Variants in YIPF7 observed in about 807,000 individuals in gnomAD.
The protein encoded by YIPF7 is Yip1 domain family member 7.
In YIPF7, 35 loss-of-function variants were observed where a neutral mutation model predicts 27.2. That is an observed-to-expected ratio of 1.29 (90% CI 0.98 to 1.70). The LOEUF (loss-of-function observed/expected upper bound fraction) is 1.70, where lower values mean the gene tolerates loss of function less well. Ranked by LOEUF, YIPF7 falls within the 40% of genes most tolerant of loss-of-function variation. The pLI, the probability that YIPF7 is intolerant of heterozygous loss-of-function variation, is 0.00. For missense variants in YIPF7, 358 were observed against 303.7 expected, an observed-to-expected ratio of 1.18 and a Z score of -1.33; for synonymous variants, 137 against 110.4, an observed-to-expected ratio of 1.24 and a Z score of -1.51.
intron 2 of YIPF7, among the ~76,000 whole-genome samples, chr4:44,656,728 T>A (rs1444374840): frequency 6.6e-6 from 1 of 152,012 alleles, no homozygotes; most frequent in East Asian, 1.9e-4. Context: ...CTGAATAAAG[T>A]TATTTTATCA....
chr4:44,650,985 T>C (rs189854066), intron 1 of YIPF7, among the ~76,000 whole-genome samples: 162 of 152,366 alleles, frequency 1.1e-3, no homozygotes, highest in Non-Finnish European at 1.4e-3. Context: ...AACATTTAAT[T>C]CTTTATTTTT....
At chr4:44,641,417 T>G (rs1220490414) in intron 2 of YIPF7, among the ~76,000 whole-genome samples, 1 of 152,164 alleles carries the variant, frequency 6.6e-6, no homozygotes, top group African/African-American at 2.4e-5. Flanking sequence ...CTCTTTGACA[T>G]GTTTTTGCTT....
chr4:44,636,390 T>C (rs1713123060), intron 2 of YIPF7, among the ~76,000 whole-genome samples: 2 of 152,172 alleles, frequency 1.3e-5, no homozygotes, highest in African/African-American at 4.8e-5. Context: ...TAATCCCATT[T>C]TACAGAAAAA....
chr4:44,652,815 C>T (rs1713776296), upstream of YIPF7, among the ~76,000 whole-genome samples: 1 of 152,116 alleles, frequency 6.6e-6, no homozygotes, highest in South Asian at 2.1e-4. Context: ...ATTTTTGTAA[C>T]AACCTGATGA....
chr4:44,643,273 G>C (rs1040916028), intron 2 of YIPF7, among the ~76,000 whole-genome samples: 1 of 152,134 alleles, frequency 6.6e-6, no homozygotes, highest in Non-Finnish European at 1.5e-5. Flanking sequence ...CTAGGGAAGT[G>C]TGAAATTTTA....
intron 1 of YIPF7, among the ~76,000 whole-genome samples, chr4:44,661,505 T>G (rs367961324): frequency 1.3e-5 from 2 of 152,216 alleles, no homozygotes; most frequent in African/African-American, 4.8e-5. Flanking sequence ...GTTCTTTGGA[T>G]AGAAGTTGGT....
At chr4:44,653,264 C>T (rs544952564), upstream of YIPF7, among the ~76,000 whole-genome samples, 4 of 152,004 alleles carry the variant, frequency 2.6e-5, no homozygotes, top group South Asian at 2.1e-4. Context: ...GCCTGTAGGC[C>T]GTGGTAAAGA....
intron 3 of YIPF7, 49 bp downstream of exon 3, chr4:44,635,873 C>T (rs779144280): frequency 6.3e-7 from 1 of 1,588,618 alleles, no homozygotes; most frequent in African/African-American, 1.3e-5. Context: ...CTAATTATTG[C>T]TATTATTCTT....
chr4:44,653,346 C>T (rs1018420560), upstream of YIPF7, among the ~76,000 whole-genome samples: 1 of 151,914 alleles, frequency 6.6e-6, no homozygotes, highest in Non-Finnish European at 1.5e-5. Flanking sequence ...CCGTATTAGT[C>T]ACAAGTGGAA....
chr4:44,631,068 C>G (rs1287899379), intron 3 of YIPF7, among the ~76,000 whole-genome samples: 3 of 152,156 alleles, frequency 2.0e-5, no homozygotes, highest in Non-Finnish European at 2.9e-5. Context: ...CAATCAGTTA[C>G]TATTATTTTA....
intron 2 of YIPF7, among the ~76,000 whole-genome samples, chr4:44,658,887 A>G (rs1713972931): frequency 6.6e-6 from 1 of 152,224 alleles, no homozygotes; most frequent in South Asian, 2.1e-4. Context: ...ATCTTCAATC[A>G]TCACCCACTG....
At chr4:44,658,092 A>G (rs2109606643) in intron 2 of YIPF7, among the ~76,000 whole-genome samples, 1 of 152,250 alleles carries the variant, frequency 6.6e-6, no homozygotes, top group South Asian at 2.1e-4. Context: ...AAGGTGTTAT[A>G]GACTGAATGT....
intron 2 of YIPF7, among the ~76,000 whole-genome samples, chr4:44,637,587 T>C (rs573694603): frequency 6.6e-6 from 1 of 152,216 alleles, no homozygotes; most frequent in South Asian, 2.1e-4. Flanking sequence ...CTTTTTTCTT[T>C]TTTAAAAAAA....
chr4:44,654,359 T>C (rs1713827441), upstream of YIPF7, among the ~76,000 whole-genome samples: 1 of 152,124 alleles, frequency 6.6e-6, no homozygotes, highest in South Asian at 2.1e-4. Context: ...CTGCATTAGG[T>C]GAATAAAGTT....
chr4:44,656,966 C>G (rs1200353247), intron 2 of YIPF7, among the ~76,000 whole-genome samples: 1 of 152,070 alleles, frequency 6.6e-6, no homozygotes, highest in South Asian at 2.1e-4. Flanking sequence ...ACCATATTTC[C>G]TTTAGCAAAG....
intron 2 of YIPF7, among the ~76,000 whole-genome samples, chr4:44,643,878 G>A (rs1166936191): frequency 2.0e-5 from 3 of 152,108 alleles, no homozygotes; most frequent in Non-Finnish European, 4.4e-5. Flanking sequence ...AGGATTTATG[G>A]AAAAGCCTGG....
At chr4:44,643,231 G>A (rs1276491334) in intron 2 of YIPF7, among the ~76,000 whole-genome samples, 2 of 152,156 alleles carry the variant, frequency 1.3e-5, no homozygotes, top group African/African-American at 2.4e-5. Flanking sequence ...CTATGCTTTA[G>A]CAAAGAGACT....
At chr4:44,630,289 C>T (rs919476906) in intron 3 of YIPF7, among the ~76,000 whole-genome samples, 1 of 152,126 alleles carries the variant, frequency 6.6e-6, no homozygotes, top group Non-Finnish European at 1.5e-5. Context: ...TTTTCAATTG[C>T]TGACACTTCT....
intron 2 of YIPF7, among the ~76,000 whole-genome samples, chr4:44,638,775 G>A (rs186397957): frequency 8.5e-5 from 13 of 152,260 alleles, no homozygotes; most frequent in African/African-American, 3.1e-4. Context: ...CTAGACCAGT[G>A]TCCAAAAGTT....
Sources: gnomAD v4.1 joint callset for allele counts (sites outside exome capture counted in the v4.1 genomes callset) on GRCh38, gnomAD v4.1.1 for gene constraint, MANE v1.5 for transcripts, NCBI Gene and HGNC (gene_info 2026-07-23, HGNC 2026-07-21) for gene names.